The following GDI2 variants were observed in gnomAD, a reference collection of about 807,000 sequenced individuals.
GDI2 encodes rab GDP dissociation inhibitor beta.
Under a neutral mutation model 54.2 loss-of-function variants are expected in GDI2, and 22 were observed. That is an observed-to-expected ratio of 0.41 (90% CI 0.29 to 0.58). The LOEUF (loss-of-function observed/expected upper bound fraction) is 0.58. GDI2 is among the 20% of genes least tolerant of loss of function. GDI2 has a pLI of 0.35. For missense variants in GDI2, 422 were observed against 546.0 expected (o/e 0.77, Z 2.26); for synonymous variants, 177 against 182.1 (o/e 0.97, Z 0.23).
At chr10:5,786,132 T>G in intron 4 of GDI2, 82 bp from the exon 5 acceptor site, 90 of 752,344 alleles carry the variant, frequency 1.2e-4, no homozygotes, top group Middle Eastern at 2.7e-4. Context: ...AGTTTAAACA[T>G]GCCTTGTTAT....
At chr10:5,807,048 T>G (rs964657623) in intron 1 of GDI2, among the ~76,000 whole-genome samples, 1 of 152,164 alleles carries the variant, frequency 6.6e-6, no homozygotes, top group African/African-American at 2.4e-5. Flanking sequence ...GGAGCAAATA[T>G]GACAAGAGCT....
intron 1 of GDI2, among the ~76,000 whole-genome samples, chr10:5,802,267 C>A (rs779390431): frequency 6.6e-6 from 1 of 152,222 alleles, no homozygotes; most frequent in Middle Eastern, 3.4e-3. Flanking sequence ...ATAACTGACA[C>A]GTGCTGCCAA....
At chr10:5,792,283 T>TA (rs1588980385) in intron 4 of GDI2, among the ~76,000 whole-genome samples, 1 of 152,094 alleles carries the variant, frequency 6.6e-6, no homozygotes, top group African/African-American at 2.4e-5. Context: ...ATCTGTAAAA[T>TA]AAAAAATAGT....
Position 5,772,627 on chromosome 10 carries a change from T to A in GDI2, c.819+1215A>T, listed in dbSNP as rs61836364. Among the ~76,000 whole-genome samples, 6 of 152,146 alleles carry A rather than the reference T, an allele frequency of 3.9e-5. No individual in the cohort carries two copies. The South Asian group carries it at 1.2e-3, about 32-fold the overall frequency. On this transcript the variant is annotated intron_variant, in intron 7 of 10. Transcript: ENST00000380191. Reference sequence around the variant, plus strand: ...CATAAATTAGCCAGGCATGGTGGCATGCATCTGTAATTCCAGCTACTCGGG... The same window carrying A: ...CATAAATTAGCCAGGCATGGTGGCAAGCATCTGTAATTCCAGCTACTCGGG...
intron 6 of GDI2, among the ~76,000 whole-genome samples, 189 bp downstream of exon 6, chr10:5,784,953 T>C (rs1294745395): frequency 1.3e-5 from 2 of 152,256 alleles, no homozygotes; most frequent in Non-Finnish European, 1.5e-5. Context: ...GCTACAGTTG[T>C]ATAAAACTGG....
intron 4 of GDI2, among the ~76,000 whole-genome samples, chr10:5,791,764 A>AT (rs999550358): frequency 9.9e-5 from 15 of 151,826 alleles, no homozygotes; most frequent in South Asian, 8.3e-4. Context: ...AAAAAAAAAA[A>AT]AATAAGCCAG....
rs115635741 is a variant in GDI2, at chr10:5,774,700, G to A, written c.720-759C>T. ...ACAGGAGGCTCGTGAGTGTGGTGAGGCTAAAGCCTAAAGCCATGCGATGTC... is the reference window on the plus strand; with the variant it reads ...ACAGGAGGCTCGTGAGTGTGGTGAGACTAAAGCCTAAAGCCATGCGATGTC... On this transcript the variant is annotated intron_variant, in intron 6 of 10. Coordinates refer to ENST00000380191, the MANE Select transcript of GDI2 (RefSeq NM_001494.4). This position sits in a 1 kb window ranked among gnomAD's most constrained non-coding sequence, Gnocchi z 4.8. Among the ~76,000 whole-genome samples the A allele has an allele frequency of 3.9e-5, 6 of 152,236 alleles. No homozygotes were observed. Among genetic ancestry groups the A allele is most frequent in the African/African-American group, 1.4e-4 (6 of 41,520 alleles).
chr10:5,766,628 G>C lies in GDI2; in HGVS notation c.1002C>G (p.Val334=). The change falls in exon 9 of 11, where the codon GTC becomes GTG. Residue 334 remains valine, a synonymous_variant. Transcript: ENST00000380191. This position sits in a 1 kb window ranked among gnomAD's most constrained non-coding sequence, Gnocchi z 5.8. ...NQVNRKSDIY[V]CMISFAHNVA... Reference sequence around the variant, plus strand: ...CATTGTGCGCAAAGGAGATCATGCAGACGTAGATATCTAGAAACAAATGAT... The same window carrying C: ...CATTGTGCGCAAAGGAGATCATGCACACGTAGATATCTAGAAACAAATGAT... 1 of 1,613,622 alleles carries C rather than the reference G, an allele frequency of 6.2e-7. No homozygotes were observed. Among genetic ancestry groups the C allele is most frequent in the Non-Finnish European group, 8.5e-7 (1 of 1,179,538 alleles).
chr10:5,772,618 A>G (rs544081516), intron 7 of GDI2, among the ~76,000 whole-genome samples: 3 of 152,080 alleles, frequency 2.0e-5, no homozygotes, highest in African/African-American at 4.8e-5. Context: ...TTAGCCAGGC[A>G]TGGTGGCATG....
intron 1 of GDI2, among the ~76,000 whole-genome samples, chr10:5,812,867 C>A (rs561202336): frequency 1.1e-4 from 16 of 152,294 alleles, no homozygotes; most frequent in Admixed American, 4.6e-4. Context: ...GCGAGGTCAC[C>A]GGCCCAAACC....
intron 1 of GDI2, chr10:5,811,926 G>T: frequency 1.8e-6 from 2 of 1,137,200 alleles, no homozygotes; most frequent in Non-Finnish European, 2.3e-6. Context: ...CTTGCCTAGA[G>T]ACATCTAAAA....
intron 3 of GDI2, among the ~76,000 whole-genome samples, chr10:5,795,786 CCAGGTGTGGTGGAACA>C (rs1309797399): frequency 6.6e-6 from 1 of 151,990 alleles, no homozygotes; most frequent in Non-Finnish European, 1.5e-5. Flanking sequence ...AAAAAATTAG[CCAGGTGTGGTGGAACA>C]CCCAGGTGTG....
At chr10:5,813,120 G>A (rs1236590286) in intron 1 of GDI2, 94 bp downstream of exon 1, 3 of 712,170 alleles carry the variant, frequency 4.2e-6, no homozygotes, top group Non-Finnish European at 6.7e-6. Context: ...GGCAGAACGA[G>A]ACCCCCGAGG....
At chr10:5,803,283 G>T (rs1281328650) in intron 1 of GDI2, among the ~76,000 whole-genome samples, 1 of 152,194 alleles carries the variant, frequency 6.6e-6, no homozygotes, top group Admixed American at 6.5e-5. Flanking sequence ...TTAGCTGGGT[G>T]TGGTGGTGAG....
chr10:5,782,233 A>G (rs1840773111), intron 6 of GDI2, among the ~76,000 whole-genome samples: 1 of 152,238 alleles, frequency 6.6e-6, no homozygotes, highest in African/African-American at 2.4e-5. Flanking sequence ...AAAGGTGAGC[A>G]ACATGAGTCA....
At position 5,781,366 on chromosome 10, in the gene GDI2, G is replaced by A. The variant is rs975728557; in HGVS notation, c.719+3776C>T. 9.9e-5 allele frequency among the ~76,000 whole-genome samples: 15 copies of A among 151,954 alleles called. No individual in the cohort carries two copies. In the East Asian group the frequency reaches 1.2e-3, roughly 12 times the overall value. On this transcript the variant is annotated intron_variant, in intron 6 of 10. Transcript: ENST00000380191. ...AATAGGGCCAGGCGCAGTGGCTCAC[G>A]CTTGTAATCCCAGCACTTTGGGAGG... is the stretch of plus-strand genomic sequence containing the variant.
chr10:5,798,060 G>A (rs1422789184), intron 2 of GDI2, among the ~76,000 whole-genome samples: 1 of 152,074 alleles, frequency 6.6e-6, no homozygotes, highest in Admixed American at 6.6e-5. Flanking sequence ...CTAGACACAA[G>A]GTACACCCAT....
Position 5,800,152 on chromosome 10 carries a change from C to T in GDI2, c.153+446G>A, listed in dbSNP as rs562251171. 2.0e-4 allele frequency among the ~76,000 whole-genome samples: 30 copies of T among 152,160 alleles called. No homozygotes were observed. In the South Asian group the frequency reaches 4.8e-3, roughly 24 times the overall value. ...AACACACTGTGGAAATGCTATGTGT[C>T]CACGTTCAAAAAAAGTAGGAAACAA... On this transcript the variant is annotated intron_variant, in intron 2 of 10. Transcript: ENST00000380191.
intron 3 of GDI2, 70 bp downstream of exon 3, chr10:5,796,693 T>G: frequency 1.2e-6 from 1 of 824,190 alleles, no homozygotes; most frequent in African/African-American, 1.7e-5. Context: ...TAGTACTCTG[T>G]CAAAAGTTAG....
Sources: allele counts gnomAD v4.1 joint callset (sites outside exome capture counted in the v4.1 genomes callset), GRCh38; gene constraint gnomAD v4.1.1; non-coding constraint Gnocchi (gnomAD v3.1); transcripts MANE v1.5; gene names NCBI Gene and HGNC (gene_info 2026-07-23, HGNC 2026-07-21).